NDUFS8: variants seen among roughly 807,000 people sequenced by gnomAD.
NDUFS8 encodes NADH:ubiquinone oxidoreductase core subunit S8.
NDUFS8 carries 13 observed loss-of-function variants against 25.6 expected under a neutral mutation model. The observed-to-expected ratio is 0.51, with a 90% CI of 0.33 to 0.81. The LOEUF is 0.81. NDUFS8 is among the 30% of genes least tolerant of loss of function. The pLI is 0.02. For synonymous variants in NDUFS8, 119 were observed against 119.4 expected (o/e 1.00, Z 0.02); for missense variants, 257 against 300.9 (o/e 0.85, Z 1.08).
rs145311566 is a variant in NDUFS8 at position 68,033,381 on chromosome 11, G to A, written c.372+98G>A. The stretch of plus-strand genomic sequence containing the variant: ...CCAAACCCTAGCCCCTGCTTGATGT[G>A]CGTCCCCAGGAAGTCCCTTTCCCCC... On this transcript the variant is annotated intron_variant, in intron 5 of 6. Transcript: ENST00000313468. 4,357 of 1,410,700 alleles carry A rather than the reference G, an allele frequency of 3.1e-3. 24 individuals are homozygous for A. The Middle Eastern group carries it at 0.037, about 12-fold the overall frequency. The allele number at this position is 1,410,700 out of a possible 1,614,324, so 87.4% of individuals were successfully genotyped here. A position where few individuals can be genotyped will look rare whatever the true frequency, so the allele number is the denominator to read the frequency against.
In NDUFS8 at chr11:68,032,959, A is replaced by T. The variant is rs1025055587; in HGVS notation, c.146A>T (p.Lys49Met). 3 of 1,613,864 alleles carry T rather than the reference A, an allele frequency of 1.9e-6. No homozygotes were observed. In the Admixed American group the frequency reaches 5.0e-5, roughly 27 times the overall value. Residue 49 changes from lysine (K) to methionine (M), a missense_variant, in exon 4 of 7, where the codon AAG becomes ATG. Coordinates refer to ENST00000313468, the MANE Select transcript of NDUFS8 (RefSeq NM_002496.4). ...VNMQDPEMDM[K>M]SVTDRAARTL... ...ATGCAGGATCCCGAGATGGACATGA[A>T]GTCAGTGACTGACCGGGCAGCCCGC...
At chr11:68,035,670 G>A (rs1264913145) in intron 5 of NDUFS8, 2 of 455,678 alleles carry the variant, frequency 4.4e-6, no homozygotes, top group Non-Finnish European at 8.8e-6. Context: ...GAACAAAGCG[G>A]TGAACAGCCC....
Position 68,032,202 on chromosome 11 carries a change from A to G in NDUFS8, c.51A>G (p.Ala17=), listed in dbSNP as rs1287890623. ...PMLLRALAQA[A]RAGPPGGRSL... The stretch of plus-strand genomic sequence containing the variant: ...TGCTGCGGGCCCTGGCCCAGGCTGC[A>G]CGTGCAGGTAGGACCAAAGAAGCCT... The change falls in exon 2 of 7, where the codon GCA becomes GCG. Residue 17 remains alanine, a synonymous_variant. Transcript: ENST00000313468. 5 of 1,613,378 alleles carry G rather than the reference A, an allele frequency of 3.1e-6. No homozygotes were observed. Among genetic ancestry groups the G allele is most frequent in the Non-Finnish European group, 3.4e-6 (4 of 1,180,032 alleles).
At chr11:68,036,017 CAAAAAAAAAA>C (rs56359843) in intron 5 of NDUFS8, 14,303 of 363,694 alleles carry the variant, frequency 0.039, 34 homozygotes, top group East Asian at 0.06. Context: ...GACTCTATCT[CAAAAAAAAAA>C]AAAAAAAAAA....
chr11:68,036,580 A>C lies in NDUFS8; in HGVS notation c.620A>C (p.Tyr207Ser). The change falls in exon 7 of 7, where the codon TAC (tyrosine) becomes TCC (serine). Residue 207 changes from tyrosine (Y) to serine (S), a missense_variant. Coordinates refer to ENST00000313468, the MANE Select transcript of NDUFS8 (RefSeq NM_002496.4). The stretch of plus-strand genomic sequence containing the variant: ...ATCGCCGCCAACATCCAGGCTGACT[A>C]CTTGTATCGGTGACGCCCCACCGGC... ...AEIAANIQADYLYR is the reference protein window; with the variant it reads ...AEIAANIQADSLYR 4.3e-6 allele frequency: 7 copies of C among 1,613,734 alleles called. No individual in the cohort carries two copies. Among genetic ancestry groups the C allele is most frequent in the Non-Finnish European group, 5.9e-6 (7 of 1,179,950 alleles).
Position 68,033,208 on chromosome 11 carries a change from T to C in NDUFS8, c.297T>C (p.His99=). The change falls in exon 5 of 7, where the codon CAT becomes CAC. Residue 99 remains histidine, a synonymous_variant. Coordinates refer to ENST00000313468, the MANE Select transcript of NDUFS8 (RefSeq NM_002496.4). ...GPLSPRFRGE[H]ALRRYPSGEE... is the part of the protein sequence containing the mutation. ...TGAGCCCTCGCTTCCGTGGGGAGCATGCGCTGCGCCGGTACCCATCCGGGG... is the reference window on the plus strand; with the variant it reads ...TGAGCCCTCGCTTCCGTGGGGAGCACGCGCTGCGCCGGTACCCATCCGGGG... 1 of 1,612,224 alleles carries C rather than the reference T, an allele frequency of 6.2e-7. No individual in the cohort carries two copies. The highest frequency in any genetic ancestry group is 1.7e-5 in the Admixed American group (1 of 59,892).
intron 5 of NDUFS8, chr11:68,033,546 T>A (rs1427643950): frequency 1.8e-6 from 1 of 558,878 alleles, no homozygotes; most frequent in Admixed American, 3.0e-5. Flanking sequence ...TGGCCAAGGG[T>A]GTGACCCCTG....
At chr11:68,035,749 G>A (rs967055815) in intron 5 of NDUFS8, 2 of 453,364 alleles carry the variant, frequency 4.4e-6, no homozygotes, top group African/African-American at 4.0e-5. Context: ...GCCGGGCACG[G>A]TGGCTCACGC....
At chr11:68,032,023 C>G in intron 1 of NDUFS8, 129 bp from the exon 2 acceptor site, 1 of 1,354,010 alleles carries the variant, frequency 7.4e-7, no homozygotes, top group Non-Finnish European at 1.1e-6. Flanking sequence ...GTGCCTCTGA[C>G]AGCAATGGGG....
At chr11:68,032,632 C>T (rs981214091) in intron 3 of NDUFS8, 17 of 1,066,756 alleles carry the variant, frequency 1.6e-5, no homozygotes, top group Non-Finnish European at 2.1e-5. Context: ...GGCAAAGGCT[C>T]AAGCCCCCCA....
At chr11:68,032,518 G>A in intron 3 of NDUFS8, 182 bp downstream of exon 3, 2 of 1,504,006 alleles carry the variant, frequency 1.3e-6, no homozygotes, top group Non-Finnish European at 8.9e-7. Flanking sequence ...GTCCATCATT[G>A]CCGAGGTTAG....
rs1232360804 is a variant in NDUFS8, at chr11:68,033,139, C to T, written c.228C>T (p.Phe76=). Residue 76 remains phenylalanine, a synonymous_variant, in exon 5 of 7, where the codon TTC becomes TTT. Coordinates refer to ENST00000313468, the MANE Select transcript of NDUFS8 (RefSeq NM_002496.4). ...RGLGMTLSYL[F]REPATINYPF... is the part of the protein sequence containing the mutation. ...TGGGCATGACCCTGAGCTACCTGTT[C>T]CGGGAACCGGCCACCATCAACTACC... 2 of 1,612,762 alleles carry T rather than the reference C, an allele frequency of 1.2e-6. No individual in the cohort carries two copies. The highest frequency in any genetic ancestry group is 1.3e-5 in the African/African-American group (1 of 74,916).
chr11:68,034,129 T>C (rs2134415832), intron 5 of NDUFS8: 1 of 154,486 alleles, frequency 6.5e-6, no homozygotes, highest in South Asian at 2.0e-4. Flanking sequence ...ATTGTCTCCA[T>C]CTTTATAAGC....
At chr11:68,033,661 A>C in intron 5 of NDUFS8, 1 of 323,312 alleles carries the variant, frequency 3.1e-6, no homozygotes. Context: ...TCCCTTCCCC[A>C]GTGGCTGCTC....
chr11:68,031,895 T>C (rs975278227), intron 1 of NDUFS8, among the ~76,000 whole-genome samples: 2 of 151,958 alleles, frequency 1.3e-5, no homozygotes, highest in Non-Finnish European at 2.9e-5. Flanking sequence ...AAAGGAAGGA[T>C]GGATTTAAAA....
At chr11:68,035,466 A>T (rs1854866863) in intron 5 of NDUFS8, among the ~76,000 whole-genome samples, 1 of 152,178 alleles carries the variant, frequency 6.6e-6, no homozygotes, top group South Asian at 2.1e-4. Context: ...TTTATTCCTA[A>T]AAAGTGCTGA....
rs1854800586 is a variant in NDUFS8 at position 68,032,954 on chromosome 11, C to A, written c.141C>A (p.Asp47Glu). The A allele has an allele frequency of 6.2e-7, 1 of 1,613,806 alleles. No individual in the cohort carries two copies. Among genetic ancestry groups the A allele is most frequent in the Non-Finnish European group, 8.5e-7 (1 of 1,180,002 alleles). ...KYVNMQDPEM[D>E]MKSVTDRAAR... Reference sequence around the variant, plus strand: ...TGAACATGCAGGATCCCGAGATGGACATGAAGTCAGTGACTGACCGGGCAG... The same window carrying A: ...TGAACATGCAGGATCCCGAGATGGAAATGAAGTCAGTGACTGACCGGGCAG... Residue 47 changes from aspartate to glutamate, a missense_variant, in exon 4 of 7, where the codon GAC becomes GAA. Transcript: ENST00000313468.
chr11:68,032,566 G>A, intron 3 of NDUFS8: 1 of 1,447,834 alleles, frequency 6.9e-7, no homozygotes, highest in African/African-American at 1.4e-5. Context: ...GTGATGGGGA[G>A]GGGGTTGCCA....
intron 5 of NDUFS8, chr11:68,033,642 G>GT: frequency 2.8e-6 from 1 of 355,416 alleles, no homozygotes; most frequent in South Asian, 2.8e-5. Context: ...TTGTGTGCCT[G>GT]TTGCAGCTTC....
Sources: gnomAD v4.1 joint callset for allele counts (sites outside exome capture counted in the v4.1 genomes callset) on GRCh38, gnomAD v4.1.1 for gene constraint, MANE v1.5 for transcripts, NCBI Gene and HGNC (gene_info 2026-07-23, HGNC 2026-07-21) for gene names.